Variants in ULK4 observed in about 807,000 individuals in gnomAD.
ULK4 encodes unc-51 like kinase 4.
ULK4 carries 133 observed loss-of-function variants against 160.6 expected under a neutral mutation model. That is an observed-to-expected ratio of 0.83 (90% CI 0.72 to 0.96). The LOEUF is 0.96. Among genes scored for constraint, ULK4 ranks in the 40% least tolerant of loss-of-function variants. ULK4 has a pLI of 0.00. For synonymous variants in ULK4, 534 were observed against 539.8 expected (o/e 0.99, Z 0.15); for missense variants, 1,580 against 1,499.5 (o/e 1.05, Z -0.89).
intron 30 of ULK4, among the ~76,000 whole-genome samples, chr3:41,643,406 A>G (rs1016767501): frequency 2.6e-5 from 4 of 152,246 alleles, no homozygotes; most frequent in Admixed American, 6.5e-5. Context: ...AACTTTCTAC[A>G]TATGGCTAGC....
At chr3:41,548,165 C>G (rs2086931088) in intron 32 of ULK4, among the ~76,000 whole-genome samples, 3 of 152,202 alleles carry the variant, frequency 2.0e-5, no homozygotes. Flanking sequence ...CCACCATAGC[C>G]TGTGCCCATG....
rs2087964241 is a variant in ULK4 at position 41,571,289 on chromosome 3, AAG to A, written c.3121-5161_3121-5160del. 5.3e-5 allele frequency among the ~76,000 whole-genome samples: 8 copies of A among 152,336 alleles called. No homozygotes were observed. The South Asian group carries it at 1.7e-3, about 32-fold the overall frequency. ...GATGACATGGTTCTCTAGGTGAAAT[AAG>A]AGAGCTACTGCTCTGGCCTAGAGCA... On this transcript the variant is annotated intron_variant, in intron 31 of 36. Transcript: ENST00000301831.
chr3:41,849,474 G>T (rs2042154222), intron 17 of ULK4, among the ~76,000 whole-genome samples: 1 of 152,108 alleles, frequency 6.6e-6, no homozygotes, highest in Non-Finnish European at 1.5e-5. Context: ...GTCAATGGCT[G>T]CCAGGGGTTA....
chr3:41,400,921 C>T (rs968907515), intron 34 of ULK4, among the ~76,000 whole-genome samples: 13 of 152,284 alleles, frequency 8.5e-5, no homozygotes, highest in African/African-American at 3.1e-4. Flanking sequence ...ATTCACATTT[C>T]CCTAATGGCA....
At chr3:41,859,538 C>T (rs73830534) in intron 17 of ULK4, 5 of 543,548 alleles carry the variant, frequency 9.2e-6, no homozygotes, top group South Asian at 4.1e-5. Context: ...AAGAAGCCAA[C>T]GAAGCCCCAG....
At chr3:41,845,052 G>A (rs1008827881) in intron 17 of ULK4, among the ~76,000 whole-genome samples, 13 of 150,476 alleles carry the variant, frequency 8.6e-5, no homozygotes, top group East Asian at 5.9e-4. Context: ...TGCAAGCTCC[G>A]CTTCCCGGGT....
chr3:41,833,501 T>C (rs2041660125), intron 18 of ULK4, among the ~76,000 whole-genome samples: 1 of 152,138 alleles, frequency 6.6e-6, no homozygotes, highest in African/African-American at 2.4e-5. Flanking sequence ...TTTCACCATA[T>C]TAGCCGGGAT....
chr3:41,397,948 G>T (rs2082097571), intron 35 of ULK4, 131 bp downstream of exon 35: 1 of 946,750 alleles, frequency 1.1e-6, no homozygotes, highest in Non-Finnish European at 1.6e-6. Context: ...GGAGAAAGGT[G>T]ACTGGGAGTT....
At chr3:41,704,841 G>A (rs1271718659) in intron 27 of ULK4, among the ~76,000 whole-genome samples, 1 of 152,010 alleles carries the variant, frequency 6.6e-6, no homozygotes, top group Non-Finnish European at 1.5e-5. Context: ...GGATAGGTGT[G>A]GACCAGGAAG....
chr3:41,289,593 C>T (rs1254641080), intron 35 of ULK4, among the ~76,000 whole-genome samples: 1 of 152,118 alleles, frequency 6.6e-6, no homozygotes, highest in East Asian at 1.9e-4. Context: ...CTGGGCAGTA[C>T]CCTAGGACAT....
chr3:41,601,313 C>T (rs1041500286), intron 31 of ULK4, among the ~76,000 whole-genome samples: 11 of 152,004 alleles, frequency 7.2e-5, no homozygotes, highest in East Asian at 1.9e-4. Flanking sequence ...CTTTAAGACA[C>T]GACAATAGGG....
Position 41,330,579 on chromosome 3 carries a change from GGTTA to G in ULK4, c.3678+67496_3678+67499del, listed in dbSNP as rs373004036. 9.2e-5 allele frequency among the ~76,000 whole-genome samples: 14 copies of G among 152,310 alleles called. No homozygotes were observed. In the South Asian group the frequency reaches 2.9e-3, roughly 32 times the overall value. ...TACATCACCCTGGTGAGGGGTGACTGGTTAGTCAGAGGGTCAGAGCCAAGTCATA... is the reference window on the plus strand; with the variant it reads ...TACATCACCCTGGTGAGGGGTGACTGGTCAGAGGGTCAGAGCCAAGTCATA... On this transcript the variant is annotated intron_variant, in intron 35 of 36. Transcript: ENST00000301831.
intron 34 of ULK4, among the ~76,000 whole-genome samples, chr3:41,407,633 C>T (rs1214122992): frequency 2.0e-5 from 3 of 152,136 alleles, no homozygotes; most frequent in Admixed American, 2.0e-4. Context: ...ACTACATGAT[C>T]CTCTCAATAG....
intron 21 of ULK4, among the ~76,000 whole-genome samples, chr3:41,770,216 T>G (rs951257214): frequency 3.9e-5 from 6 of 152,192 alleles, no homozygotes; most frequent in African/African-American, 1.4e-4. Context: ...TATCAAAATT[T>G]TACATGCATT....
At chr3:41,400,418 A>T (rs997696869) in intron 34 of ULK4, among the ~76,000 whole-genome samples, 3 of 152,150 alleles carry the variant, frequency 2.0e-5, no homozygotes, top group Non-Finnish European at 4.4e-5. Context: ...TGTCATTTCA[A>T]GTATGTTACA....
intron 35 of ULK4, among the ~76,000 whole-genome samples, chr3:41,374,839 G>A (rs1419041024): frequency 6.6e-6 from 1 of 152,212 alleles, no homozygotes; most frequent in African/African-American, 2.4e-5. Flanking sequence ...AAGAGAGGAA[G>A]TCAAATTATC....
intron 32 of ULK4, among the ~76,000 whole-genome samples, chr3:41,513,649 A>T (rs1465387872): frequency 6.6e-6 from 1 of 152,230 alleles, no homozygotes; most frequent in African/African-American, 2.4e-5. Flanking sequence ...AAGGAACAAA[A>T]TAATGACATT....
chr3:41,936,176 G>C (rs1171304995), intron 3 of ULK4, among the ~76,000 whole-genome samples: 1 of 152,184 alleles, frequency 6.6e-6, no homozygotes, highest in Non-Finnish European at 1.5e-5. Flanking sequence ...TGGATGAATG[G>C]TGAGAAGCAA....
At chr3:41,637,169 T>G (rs2125710775) in intron 30 of ULK4, among the ~76,000 whole-genome samples, 1 of 152,280 alleles carries the variant, frequency 6.6e-6, no homozygotes, top group South Asian at 2.1e-4. Context: ...CTGAAATTTT[T>G]TAGCTTTTGA....
Sources: allele counts gnomAD v4.1 joint callset (sites outside exome capture counted in the v4.1 genomes callset), GRCh38; gene constraint gnomAD v4.1.1; transcripts MANE v1.5; gene names NCBI Gene and HGNC (gene_info 2026-07-23, HGNC 2026-07-21).